REDIC1: variants seen among roughly 807,000 people sequenced by gnomAD.
The protein encoded by REDIC1 is regulator of DNA class I crossover intermediates 1.
the REDIC1 span, among the ~76,000 whole-genome samples, chr12:39,741,793 G>A: frequency 2.6e-5 from 4 of 152,270 alleles, no homozygotes; most frequent in South Asian, 8.3e-4. Context: ...ATTGGTTAAA[G>A]GAGTAAGGCT....
At chr12:39,683,089 C>T in the REDIC1 span, 1 of 1,611,396 alleles carries the variant, frequency 6.2e-7, no homozygotes, top group Non-Finnish European at 8.5e-7. Context: ...AAGAAATGAT[C>T]TTAGTACATC....
the REDIC1 span, among the ~76,000 whole-genome samples, chr12:39,665,943 G>T: frequency 5.9e-5 from 9 of 152,326 alleles, no homozygotes; most frequent in South Asian, 1.7e-3. Context: ...CTTTGCTGAA[G>T]TTGCCTATCA....
the REDIC1 span, among the ~76,000 whole-genome samples, chr12:39,629,067 A>T: frequency 1.3e-5 from 2 of 152,218 alleles, no homozygotes; most frequent in Non-Finnish European, 2.9e-5. Flanking sequence ...AGAAATGAGA[A>T]ACAGGAAGTT....
At chr12:39,664,450 C>T in the REDIC1 span, among the ~76,000 whole-genome samples, 1 of 152,068 alleles carries the variant, frequency 6.6e-6, no homozygotes, top group Non-Finnish European at 1.5e-5. Context: ...GTATATGTGC[C>T]ACATTTTCTT....
At chr12:39,752,988 G>A in the REDIC1 span, among the ~76,000 whole-genome samples, 1 of 152,176 alleles carries the variant, frequency 6.6e-6, no homozygotes, top group Non-Finnish European at 1.5e-5. Flanking sequence ...CAGGTGGCGA[G>A]GCCCGCAGAT....
chr12:39,864,789 C>T, the REDIC1 span: 15 of 1,613,810 alleles, frequency 9.3e-6, no homozygotes, highest in Admixed American at 2.2e-4. Flanking sequence ...GGCGTTCTGA[C>T]CTGACGGAGC....
At chr12:39,683,018 C>A in the REDIC1 span, 2 of 1,613,140 alleles carry the variant, frequency 1.2e-6, no homozygotes, top group Non-Finnish European at 1.7e-6. Context: ...TTGAATAAAA[C>A]AAGTTATCCA....
At chr12:39,870,153 C>T in the REDIC1 span, among the ~76,000 whole-genome samples, 1 of 152,152 alleles carries the variant, frequency 6.6e-6, no homozygotes, top group Non-Finnish European at 1.5e-5. Context: ...TTCCCCAGAT[C>T]TCAAAGGCCA....
the REDIC1 span, chr12:39,788,525 A>C: frequency 2.0e-5 from 3 of 152,122 alleles, no homozygotes; most frequent in African/African-American, 7.2e-5. Flanking sequence ...CACAATTTAA[A>C]ACTTATAATT....
At chr12:39,710,420 C>T in the REDIC1 span, among the ~76,000 whole-genome samples, 1 of 151,796 alleles carries the variant, frequency 6.6e-6, no homozygotes, top group Non-Finnish European at 1.5e-5. Flanking sequence ...AGCTTTATTG[C>T]AGATCATAAT....
the REDIC1 span, among the ~76,000 whole-genome samples, chr12:39,863,740 C>T: frequency 4.1e-4 from 62 of 152,206 alleles, 1 homozygote; most frequent in African/African-American, 1.3e-3. Flanking sequence ...AAATAAAAGT[C>T]GTGCTATGAT....
the REDIC1 span, among the ~76,000 whole-genome samples, chr12:39,870,116 G>A: frequency 6.6e-6 from 1 of 152,136 alleles, no homozygotes; most frequent in Non-Finnish European, 1.5e-5. Context: ...ACGAACACAG[G>A]TTGCTAGAAA....
At chr12:39,799,723 G>A in the REDIC1 span, among the ~76,000 whole-genome samples, 2 of 152,182 alleles carry the variant, frequency 1.3e-5, no homozygotes, top group Admixed American at 6.6e-5. Context: ...CAACTTGAAT[G>A]CTTTTTAAAG....
chr12:39,735,149 A>T, the REDIC1 span, among the ~76,000 whole-genome samples: 1 of 152,184 alleles, frequency 6.6e-6, no homozygotes, highest in African/African-American at 2.4e-5. Context: ...CTACCATATC[A>T]AAACCCTAAA....
At chr12:39,713,281 TACGTGTATATATGTGTAC>T in the REDIC1 span, among the ~76,000 whole-genome samples, 1 of 11,030 alleles carries the variant, frequency 9.1e-5, no homozygotes. Context: ...TACACACACA[TACGTGTATATATGTGTAC>T]ACACACATAC....
chr12:39,903,484 A>G, the REDIC1 span, among the ~76,000 whole-genome samples: 2,135 of 152,148 alleles, frequency 0.014, 11 homozygotes, highest in Middle Eastern at 0.044. Flanking sequence ...GAAAAATGCC[A>G]TTCTAGGCCC....
chr12:39,703,422 A>T, the REDIC1 span, among the ~76,000 whole-genome samples: 1 of 149,958 alleles, frequency 6.7e-6, no homozygotes, highest in Non-Finnish European at 1.5e-5. Flanking sequence ...CCACTGCTCA[A>T]GGAAATAAAA....
the REDIC1 span, chr12:39,721,051 C>T: frequency 6.2e-7 from 1 of 1,613,794 alleles, no homozygotes; most frequent in South Asian, 1.1e-5. Flanking sequence ...TAACTGCGTT[C>T]TGCAGGCTGC....
At chr12:39,809,175 C>T in the REDIC1 span, among the ~76,000 whole-genome samples, 2 of 152,118 alleles carry the variant, frequency 1.3e-5, no homozygotes, top group African/African-American at 2.4e-5. Context: ...AAAGACTATT[C>T]TTTCCCCATT....
Sources: allele counts gnomAD v4.1 joint callset (sites outside exome capture counted in the v4.1 genomes callset), GRCh38; gene constraint gnomAD v4.1.1; transcripts MANE v1.5; gene names NCBI Gene and HGNC (gene_info 2026-07-23, HGNC 2026-07-21).